TTN: variants seen among roughly 807,000 people sequenced by gnomAD.
TTN encodes titin.
Under a neutral mutation model 3,223.0 loss-of-function variants are expected in TTN, and 1,525 were observed. The observed-to-expected ratio is 0.47, with a 90% CI of 0.45 to 0.49. The LOEUF (loss-of-function observed/expected upper bound fraction) is 0.49. TTN is among the 20% of genes least tolerant of loss of function. TTN has a pLI of 0.00. For missense variants in TTN, 40,786 were observed against 43,424.0 expected (o/e 0.94, Z 5.40); for synonymous variants, 14,094 against 15,161.0 (o/e 0.93, Z 5.17).
chr2:178,566,543 T>A lies in TTN; in HGVS notation c.79589A>T (p.Asp26530Val). ...LGYVVEICKA[D>V]EEEWQIVTPQ... ...AGTAACTATTTGCCATTCTTCTTCA[T>A]CTGCTTTACAGATTTCTACTACATA... The change falls in exon 326 of 363, where the codon GAT (aspartate) becomes GTT (valine). Residue 26530 changes from aspartate (D) to valine (V), a missense_variant. Transcript: ENST00000589042. The A allele has an allele frequency of 6.2e-7, 1 of 1,613,404 alleles. No individual in the cohort carries two copies. Among genetic ancestry groups the A allele is most frequent in the Non-Finnish European group, 8.5e-7 (1 of 1,179,690 alleles).
At position 178,591,727 on chromosome 2, in the gene TTN, G is replaced by T. The variant is rs1172877818; in HGVS notation, c.60092C>A (p.Thr20031Lys). The change falls in exon 303 of 363, where the codon ACA becomes AAA. Residue 20031 changes from threonine to lysine, a missense_variant. By Grantham distance (78) the Thr-to-Lys change is moderately conservative (BLOSUM62 -1). Coordinates refer to ENST00000589042, the MANE Select transcript of TTN (RefSeq NM_001267550.2). ...TQDWIKFKTV[T>K]NLECVVTGLQ... The stretch of plus-strand genomic sequence containing the variant: ...TCCAGTAACCACACACTCTAAGTTT[G>T]TCACAGTCTTAAATTTAATCCAGTC... 6.2e-7 allele frequency: 1 copy of T among 1,613,270 alleles called. No individual in the cohort carries two copies. The highest frequency in any genetic ancestry group is 8.5e-7 in the Non-Finnish European group (1 of 1,179,526).
chr2:178,652,569 T>G (rs920539876), intron 201 of TTN, 28 bp from the exon 202 acceptor site: 32 of 1,612,564 alleles, frequency 2.0e-5, no homozygotes, highest in Non-Finnish European at 2.5e-5. Flanking sequence ...AAATTACATT[T>G]AGAAGTTATG....
rs2154158337 is a variant in TTN at position 178,560,002 on chromosome 2, A to G, written c.86130T>C (p.Tyr28710=). 3.7e-6 allele frequency: 6 copies of G among 1,613,736 alleles called. No homozygotes were observed. Among genetic ancestry groups the G allele is most frequent in the Non-Finnish European group, 5.1e-6 (6 of 1,179,812 alleles). Residue 28710 remains tyrosine (Y), a synonymous_variant, in exon 326 of 363, where the codon TAT becomes TAC. Coordinates refer to ENST00000589042, the MANE Select transcript of TTN (RefSeq NM_001267550.2). The part of the protein sequence containing the change: ...TSIQSLRGTE[Y]TISGLTTGAE... ...CTCCTGTTGTTAGTCCGCTTATTGT[A>G]TATTCTGTCCCTCGTAAGCTCTGAA...
Position 178,567,023 on chromosome 2 carries a change from C to G in TTN, c.79109G>C (p.Gly26370Ala). The change falls in exon 326 of 363, where the codon GGA becomes GCA. Residue 26370 changes from glycine (G) to alanine (A), a missense_variant. Physicochemically the swap from Gly to Ala is moderately conservative, Grantham distance 60. Coordinates refer to ENST00000589042, the MANE Select transcript of TTN (RefSeq NM_001267550.2). ...TACTGGTGCAGATTCCAAAGGCTCT[C>G]CAACACCATATTTGTTGACAGCCAT... ...RIMAVNKYGVGEPLESAPVLM... is the reference protein window; with the variant it reads ...RIMAVNKYGVAEPLESAPVLM... 1 of 1,613,594 alleles carries G rather than the reference C, an allele frequency of 6.2e-7. No individual in the cohort carries two copies. Among genetic ancestry groups the G allele is most frequent in the Non-Finnish European group, 8.5e-7 (1 of 1,179,660 alleles).
chr2:178,680,128 G>T (rs1225934754), intron 139 of TTN, 73 bp from the exon 140 acceptor site: 2 of 1,586,296 alleles, frequency 1.3e-6, no homozygotes, highest in Non-Finnish European at 1.7e-6. Context: ...AGAAACACAG[G>T]CCCATTTATA....
chr2:178,718,796 A>C lies in TTN; in HGVS notation c.24404T>G (p.Leu8135Arg), dbSNP rs2077892519. The change falls in exon 84 of 363, where the codon CTG becomes CGG. Residue 8135 changes from leucine to arginine, a missense_variant. By Grantham distance (102) the Leu-to-Arg change is moderately radical. Coordinates refer to ENST00000589042, the MANE Select transcript of TTN (RefSeq NM_001267550.2). ...TAATGGCTGCACCTCAAACAACTCC[A>C]GTTCTGTGACAAAATCTTCCAGAGA... ...NISLEDFVTE[L>R]ELFEVQPLES... 4 of 1,613,688 alleles carry C rather than the reference A, an allele frequency of 2.5e-6. No homozygotes were observed. The South Asian group carries it at 4.4e-5, about 18-fold the overall frequency.
intron 180 of TTN, among the ~76,000 whole-genome samples, chr2:178,659,531 A>G (rs1335316850): frequency 6.7e-6 from 1 of 150,290 alleles, no homozygotes; most frequent in African/African-American, 2.4e-5. Context: ...TTAGGTATTG[A>G]TGGGACGTAT....
rs199586235 is a variant in TTN, at chr2:178,678,730, A to T, written c.33826+17T>A. On this transcript the variant is annotated intron_variant, in intron 143 of 362. Transcript: ENST00000589042. ...AAATGTGAAATAAAAATATTGCAAC[A>T]TTGCAAGTTCATGTACCTTTGGCAG... 1.4e-4 allele frequency: 228 copies of T among 1,597,540 alleles called. No homozygotes were observed. The highest frequency in any genetic ancestry group is 1.7e-4 in the Middle Eastern group (1 of 6,052).
rs1708656182 is a variant in TTN, at chr2:178,572,678, A to G, written c.73454T>C (p.Ile24485Thr). 6.2e-7 allele frequency: 1 copy of G among 1,613,152 alleles called. No homozygotes were observed. The highest frequency in any genetic ancestry group is 1.1e-5 in the South Asian group (1 of 91,036). Residue 24485 changes from isoleucine (I) to threonine (T), a missense_variant, in exon 326 of 363, where the codon ATT becomes ACT. Transcript: ENST00000589042. ...IESTSSYTLLIVGNVNRFDSG... is the reference protein window; with the variant it reads ...IESTSSYTLLTVGNVNRFDSG... Reference sequence around the variant, plus strand: ...GTCAAATCTGTTTACATTTCCAACAATAAGCAGGGTGTAAGAGCTTGTGGA... The same window carrying G: ...GTCAAATCTGTTTACATTTCCAACAGTAAGCAGGGTGTAAGAGCTTGTGGA...
chr2:178,594,690 A>G (rs377480317), intron 295 of TTN, 44 bp from the exon 296 acceptor site: 29 of 1,477,874 alleles, frequency 2.0e-5, no homozygotes, highest in African/African-American at 5.6e-5. Context: ...AAAATGTCAC[A>G]TTAAGAATGT....
Position 178,684,675 on chromosome 2 carries a change from G to A in TTN, c.32629C>T (p.Pro10877Ser). ...GGGGAGGTTTGTTTACCTTTGGCTG[G>A]GAGAGGTTCTTCCATCTTAATGACT... is the stretch of plus-strand genomic sequence containing the variant. ...PKVIKMEEPLPAKVTERHMQI... is the reference protein window; with the variant it reads ...PKVIKMEEPLSAKVTERHMQI... The change falls in exon 131 of 363, where the codon CCA becomes TCA. Residue 10877 changes from proline to serine, a missense_variant. Pro to Ser is a moderately conservative substitution (Grantham distance 74). Transcript: ENST00000589042. The A allele has an allele frequency of 1.2e-6, 2 of 1,608,720 alleles. No homozygotes were observed. The highest frequency in any genetic ancestry group is 1.7e-6 in the Non-Finnish European group (2 of 1,178,498).
At position 178,528,797 on chromosome 2, in the gene TTN, G is replaced by C. The variant is rs565675340; in HGVS notation, c.106954C>G (p.Arg35652Gly). 2 of 1,613,146 alleles carry C rather than the reference G, an allele frequency of 1.2e-6. No individual in the cohort carries two copies. ...GVELTNSEEY[R>G]YGVSGSDQTL... ...TGATCGCTGCCTGAGACACCATATCGGTACTCCTCAGAGTTGGTAAGCTCT... is the reference window on the plus strand; with the variant it reads ...TGATCGCTGCCTGAGACACCATATCCGTACTCCTCAGAGTTGGTAAGCTCT... The change falls in exon 360 of 363, where the codon CGA becomes GGA. Residue 35652 changes from arginine to glycine, a missense_variant. Physicochemically the swap from Arg to Gly is moderately radical, Grantham distance 125. Coordinates refer to ENST00000589042, the MANE Select transcript of TTN (RefSeq NM_001267550.2).
chr2:178,563,526 C>T lies in TTN; in HGVS notation c.82606G>A (p.Glu27536Lys), dbSNP rs745974517. 9.9e-6 allele frequency: 16 copies of T among 1,613,768 alleles called. No homozygotes were observed. Among genetic ancestry groups the T allele is most frequent in the Middle Eastern group, 1.7e-4 (1 of 6,060 alleles). ...DLRLRVTGLT[E>K]GHSYEFRVAA... ...ACTCTGAATTCATAGGAATGGCCTT[C>T]GGTAAGACCAGTTACCCTGAGCCGC... The change falls in exon 326 of 363, where the codon GAA becomes AAA. Residue 27536 changes from glutamate (E) to lysine (K), a missense_variant. Glu to Lys is a moderately conservative substitution (Grantham distance 56). Coordinates refer to ENST00000589042, the MANE Select transcript of TTN (RefSeq NM_001267550.2). This position sits in a 1 kb window ranked among gnomAD's most constrained non-coding sequence, Gnocchi z 4.5.
chr2:178,766,637 A>C lies in TTN; in HGVS notation c.9472-25T>G, dbSNP rs762461497. 3.2e-6 allele frequency: 5 copies of C among 1,560,940 alleles called. No homozygotes were observed. In the African/African-American group the frequency reaches 6.8e-5, roughly 21 times the overall value. The stretch of plus-strand genomic sequence containing the variant: ...CCTGTTGATGGAACAACATAAAAAA[A>C]CAACAACAACAACAAAAACTTGAAG... On this transcript the variant is annotated intron_variant, in intron 40 of 362. Transcript: ENST00000589042.
Position 178,539,553 on chromosome 2 carries a change from C to A in TTN, c.98512G>T (p.Val32838Leu), listed in dbSNP as rs200318160. The change falls in exon 352 of 363, where the codon GTG becomes TTG. Residue 32838 changes from valine to leucine, a missense_variant. Transcript: ENST00000589042. The part of the protein sequence containing the change: ...ILGYILERRE[V>L]PKAAWYTIDS... Reference sequence around the variant, plus strand: ...ATGGTATACCAGGCGGCTTTAGGCACTTCTCGTCTCTCGAGGATGTAGCCT... The same window carrying A: ...ATGGTATACCAGGCGGCTTTAGGCAATTCTCGTCTCTCGAGGATGTAGCCT... 1.9e-6 allele frequency: 3 copies of A among 1,613,806 alleles called. No individual in the cohort carries two copies. The South Asian group carries it at 3.3e-5, about 18-fold the overall frequency.
At position 178,739,166 on chromosome 2, in the gene TTN, T is replaced by A; in HGVS notation, c.14067A>T (p.Ser4689=). The change falls in exon 48 of 363, where the codon TCA becomes TCT. Residue 4689 remains serine (S), a synonymous_variant. Coordinates refer to ENST00000589042, the MANE Select transcript of TTN (RefSeq NM_001267550.2). ...ALNDSGKTAT[S]AKLTVVKRAA... ...CTCTTTTTACTACAGTGAGTTTGGC[T>A]GAAGTTGCTGTTTTTCCGCTGTCAT... is the stretch of plus-strand genomic sequence containing the variant. 1 of 1,515,682 alleles carries A rather than the reference T, an allele frequency of 6.6e-7. No homozygotes were observed. The highest frequency in any genetic ancestry group is 1.4e-5 in the South Asian group (1 of 72,550). 93.9% of individuals were successfully genotyped at this position (1,515,682 alleles called of 1,614,324 possible).
rs760012943 is a variant in TTN at position 178,724,457 on chromosome 2, C to T, written c.20918G>A (p.Gly6973Asp). The T allele has an allele frequency of 1.2e-6, 2 of 1,613,318 alleles. No homozygotes were observed. The highest frequency in any genetic ancestry group is 2.2e-5 in the East Asian group (1 of 44,846). ...ETCTLECKVA[G>D]TPELSVEWYK... is the part of the protein sequence containing the mutation. ...CCATTCAACAGAGAGTTCCGGAGTG[C>T]CAGCCACCTTACACTCCAGAGTGCA... is the stretch of plus-strand genomic sequence containing the variant. The change falls in exon 72 of 363, where the codon GGC (glycine) becomes GAC (aspartate). Residue 6973 changes from glycine to aspartate, a missense_variant. Coordinates refer to ENST00000589042, the MANE Select transcript of TTN (RefSeq NM_001267550.2).
rs748171345 is a variant in TTN at position 178,804,869 on chromosome 2, G to T, written c.-13-214C>A. On this transcript the variant is annotated intron_variant, in intron 1 of 362. Coordinates refer to ENST00000589042, the MANE Select transcript of TTN (RefSeq NM_001267550.2). ...TAAAGCCTAACCCAAAGTAGCAAGT[G>T]TAAGGGGAAATGGAAAAAAGTATTA... Among the ~76,000 whole-genome samples the T allele has an allele frequency of 4.6e-4, 70 of 152,158 alleles. 1 individual carries two copies. The highest frequency in any genetic ancestry group is 8.8e-5 in the Non-Finnish European group (6 of 68,036).
chr2:178,794,329 G>A, intron 8 of TTN, 70 bp downstream of exon 8: 1 of 1,602,088 alleles, frequency 6.2e-7, no homozygotes. Flanking sequence ...AAGCTCAGTG[G>A]ATGGTGGTTG....
Sources: allele counts gnomAD v4.1 joint callset (sites outside exome capture counted in the v4.1 genomes callset), GRCh38; gene constraint gnomAD v4.1.1; non-coding constraint Gnocchi (gnomAD v3.1); transcripts MANE v1.5; gene names NCBI Gene and HGNC (gene_info 2026-07-23, HGNC 2026-07-21).